SPINK5: variants seen among roughly 807,000 people sequenced by gnomAD.
The protein encoded by SPINK5 is serine protease inhibitor Kazal-type 5.
In SPINK5, 125 loss-of-function variants were observed where a neutral mutation model predicts 151.8. The ratio of observed to expected loss-of-function variants is 0.82; its 90% CI spans 0.71 to 0.96. The LOEUF (loss-of-function observed/expected upper bound fraction) is 0.96, where lower values mean the gene tolerates loss of function less well. Ranked by LOEUF, SPINK5 falls within the 40% of genes least tolerant of loss-of-function variation. The probability of loss-of-function intolerance (pLI) is 0.00; values close to 1 mark genes in which losing one functional copy is unlikely to be tolerated. For missense variants in SPINK5, 1,194 were observed against 1,291.9 expected, an observed-to-expected ratio of 0.92 and a Z score of 1.16; for synonymous variants, 374 against 395.3, an observed-to-expected ratio of 0.95 and a Z score of 0.64.
rs1449896632 is a variant in SPINK5 at position 148,072,133 on chromosome 5, C to T, written c.210-15C>T. 6.2e-7 allele frequency: 1 copy of T among 1,610,770 alleles called. No individual in the cohort carries two copies. Among genetic ancestry groups the T allele is most frequent in the Admixed American group, 1.7e-5 (1 of 59,794 alleles). ...AAACAATGTTTAAACTATGCTATTT[C>T]TTGTCCTTTTCCAGGGAAAAAGAAG... On this transcript the variant is annotated splice_polypyrimidine_tract_variant and intron_variant, in intron 3 of 32. Coordinates refer to ENST00000256084, the MANE Select transcript of SPINK5 (RefSeq NM_006846.4).
intron 5 of SPINK5, among the ~76,000 whole-genome samples, chr5:148,088,046 G>C (rs2113060494): frequency 6.6e-6 from 1 of 151,698 alleles, no homozygotes; most frequent in African/African-American, 2.4e-5. Flanking sequence ...TGTGTTTTCA[G>C]ATATACTTTA....
intron 1 of SPINK5, 102 bp downstream of exon 1, chr5:148,064,201 C>A: frequency 1.7e-6 from 2 of 1,182,280 alleles, no homozygotes; most frequent in Non-Finnish European, 2.5e-6. Context: ...TTTACGTATG[C>A]ATGTATAATC....
chr5:148,086,386 T>C lies in SPINK5; in HGVS notation c.283-19T>C. 1 of 1,608,890 alleles carries C rather than the reference T, an allele frequency of 6.2e-7. No individual in the cohort carries two copies. The highest frequency in any genetic ancestry group is 8.5e-7 in the Non-Finnish European group (1 of 1,177,964). ...TTTGTTTCTTACATTTTGACGTTCC[T>C]TGATCATGTCTTTTGCAGCTGAATT... is the stretch of plus-strand genomic sequence containing the variant. On this transcript the variant is annotated intron_variant, in intron 4 of 32. Coordinates refer to ENST00000256084, the MANE Select transcript of SPINK5 (RefSeq NM_006846.4).
intron 18 of SPINK5, among the ~76,000 whole-genome samples, chr5:148,109,992 T>C (rs1753881663): frequency 6.6e-6 from 1 of 152,162 alleles, no homozygotes; most frequent in Non-Finnish European, 1.5e-5. Context: ...TCCCAAGCAT[T>C]GATTCATGGC....
At position 148,066,645 on chromosome 5, in the gene SPINK5, A is replaced by G. The variant is rs566368403; in HGVS notation, c.81+1273A>G. 4.6e-5 allele frequency among the ~76,000 whole-genome samples: 7 copies of G among 152,256 alleles called. No individual in the cohort carries two copies. The South Asian group carries it at 1.5e-3, about 32-fold the overall frequency. On this transcript the variant is annotated intron_variant, in intron 2 of 32. Transcript: ENST00000256084. ...TTCAGTAGAGTAGAAAATAAGCTAG[A>G]CATTTGGGAATCAGAGAGCATGCTC...
intron 12 of SPINK5, 88 bp from the exon 13 acceptor site, chr5:148,100,366 C>T: frequency 2.2e-6 from 3 of 1,362,830 alleles, no homozygotes; most frequent in South Asian, 2.3e-5. Context: ...AGAGATGTAA[C>T]ATTAGTTTCT....
intron 4 of SPINK5, 41 bp from the exon 5 acceptor site, chr5:148,086,364 G>A: frequency 1.2e-6 from 2 of 1,603,166 alleles, no homozygotes; most frequent in Non-Finnish European, 1.7e-6. Context: ...GGACTATTTT[G>A]TTTCTTACAT....
Position 148,128,391 on chromosome 5 carries a change from T to C in SPINK5, c.2964+1312T>C, listed in dbSNP as rs536069831. Among the ~76,000 whole-genome samples, 13 of 152,290 alleles carry C rather than the reference T, an allele frequency of 8.5e-5. No individual in the cohort carries two copies. The South Asian group carries it at 2.5e-3, about 29-fold the overall frequency. ...TCATTCTCCCTCATAAGCTACAGTC[T>C]GCTTTGGAGCTATTTCTTTTGGAGA... On this transcript the variant is annotated intron_variant, in intron 30 of 32. Transcript: ENST00000256084.
At chr5:148,094,230 G>A (rs1160949115) in intron 8 of SPINK5, 124 bp from the exon 9 acceptor site, 9 of 1,049,268 alleles carry the variant, frequency 8.6e-6, no homozygotes, top group Non-Finnish European at 1.3e-5. Flanking sequence ...AGAGGTTAGA[G>A]GCTTCACTGA....
rs2303069 is a variant in SPINK5 at position 148,101,522 on chromosome 5, A to C, written c.1302+86A>C. 48,744 of 1,158,686 alleles carry C rather than the reference A, an allele frequency of 0.042. 1,543 individuals are homozygous for C. Among genetic ancestry groups the C allele is most frequent in the East Asian group, 0.16 (6,600 of 42,322 alleles). 71.8% of individuals were successfully genotyped at this position (1,158,686 alleles called of 1,614,324 possible). ...TCAGGGAACACGTGCATTCCTTAAA[A>C]CTGTATGAAACAATTGTACAGTTTG... On this transcript the variant is annotated intron_variant, in intron 14 of 32. Coordinates refer to ENST00000256084, the MANE Select transcript of SPINK5 (RefSeq NM_006846.4).
intron 15 of SPINK5, among the ~76,000 whole-genome samples, chr5:148,104,733 A>C (rs1297031695): frequency 1.3e-5 from 2 of 152,028 alleles, no homozygotes; most frequent in Non-Finnish European, 2.9e-5. Flanking sequence ...GTCTCTACTA[A>C]AAATACAGAA....
intron 12 of SPINK5, among the ~76,000 whole-genome samples, chr5:148,099,577 A>G (rs1389468572): frequency 6.6e-6 from 1 of 152,000 alleles, no homozygotes; most frequent in Non-Finnish European, 1.5e-5. Context: ...ATAGACTGTT[A>G]GCTTTTGCTA....
chr5:148,099,229 T>A lies in SPINK5; in HGVS notation c.1011-5T>A. ...TGGATCTGCTTCTTTTTCCCTCTTATTCAGCCAAGCAGAAAATGAAGAAAA... is the reference window on the plus strand; with the variant it reads ...TGGATCTGCTTCTTTTTCCCTCTTAATCAGCCAAGCAGAAAATGAAGAAAA... On this transcript the variant is annotated splice_polypyrimidine_tract_variant and splice_region_variant and intron_variant, in intron 11 of 32. Coordinates refer to ENST00000256084, the MANE Select transcript of SPINK5 (RefSeq NM_006846.4). 6.2e-7 allele frequency: 1 copy of A among 1,607,140 alleles called. No individual in the cohort carries two copies. Among genetic ancestry groups the A allele is most frequent in the Non-Finnish European group, 8.5e-7 (1 of 1,176,248 alleles).
chr5:148,086,594 C>T, intron 5 of SPINK5, 62 bp downstream of exon 5: 1 of 1,588,444 alleles, frequency 6.3e-7, no homozygotes, highest in Non-Finnish European at 8.6e-7. Context: ...TTACATGACA[C>T]AATTTTCCCT....
At chr5:148,085,824 C>T (rs1020531095) in intron 4 of SPINK5, among the ~76,000 whole-genome samples, 2 of 151,814 alleles carry the variant, frequency 1.3e-5, no homozygotes, top group Non-Finnish European at 2.9e-5. Context: ...AGGCACTGTT[C>T]CAAGTGCTAT....
chr5:148,092,373 G>A (rs1254754213), intron 8 of SPINK5, among the ~76,000 whole-genome samples: 1 of 151,918 alleles, frequency 6.6e-6, no homozygotes, highest in Non-Finnish European at 1.5e-5. Context: ...GGATTGAAAA[G>A]GAATTCTTTT....
At chr5:148,102,765 T>C (rs991178281) in intron 15 of SPINK5, among the ~76,000 whole-genome samples, 1 of 152,106 alleles carries the variant, frequency 6.6e-6, no homozygotes, top group African/African-American at 2.4e-5. Context: ...TCTATGTGAT[T>C]TTAAGGAATA....
intron 9 of SPINK5, among the ~76,000 whole-genome samples, chr5:148,094,898 AC>A (rs1233612586): frequency 6.6e-6 from 1 of 151,842 alleles, no homozygotes; most frequent in African/African-American, 2.4e-5. Context: ...TAATTGGATT[AC>A]TCTTATCTTT....
At chr5:148,133,201 C>T (rs1754614816) in intron 31 of SPINK5, among the ~76,000 whole-genome samples, 1 of 152,142 alleles carries the variant, frequency 6.6e-6, no homozygotes, top group Admixed American at 6.6e-5. Context: ...AAACAATATT[C>T]ATTTCTAAGG....
Sources: allele counts gnomAD v4.1 joint callset (sites outside exome capture counted in the v4.1 genomes callset), GRCh38; gene constraint gnomAD v4.1.1; transcripts MANE v1.5; gene names NCBI Gene and HGNC (gene_info 2026-07-23, HGNC 2026-07-21).